The following GRB10 variants were observed in gnomAD, a reference collection of about 807,000 sequenced individuals.
The protein encoded by GRB10 is growth factor receptor-bound protein 10.
A neutral mutation model predicts 80.9 loss-of-function variants in GRB10; 20 were observed. The ratio of observed to expected loss-of-function variants is 0.25; its 90% CI spans 0.17 to 0.36. The LOEUF is 0.36. GRB10 is among the 10% of genes least tolerant of loss of function. The pLI is 1.00. For missense variants in GRB10, 548 were observed against 747.7 expected, an observed-to-expected ratio of 0.73 and a Z score of 3.12; for synonymous variants, 291 against 291.5, an observed-to-expected ratio of 1.00 and a Z score of 0.02.
intron 4 of GRB10, chr7:50,729,248 T>C (rs776886348): frequency 3.3e-5 from 5 of 152,238 alleles, no homozygotes; most frequent in Non-Finnish European, 7.3e-5. Flanking sequence ...CAGAAAACTA[T>C]GAAAATAAAA....
intron 2 of GRB10, among the ~76,000 whole-genome samples, chr7:50,777,267 C>T (rs2077759019): frequency 6.6e-6 from 1 of 152,000 alleles, no homozygotes; most frequent in Admixed American, 6.5e-5. Flanking sequence ...GAGAGCAAAC[C>T]CATTCCCCCT....
At chr7:50,786,974 G>GT (rs766920755), upstream of GRB10, among the ~76,000 whole-genome samples, 1 of 152,274 alleles carries the variant, frequency 6.6e-6, no homozygotes, top group African/African-American at 2.4e-5. Flanking sequence ...ACACAACTCT[G>GT]TAAGTTTGGA....
chr7:50,639,446 T>A (rs7796583), intron 7 of GRB10, among the ~76,000 whole-genome samples: 1 of 151,714 alleles, frequency 6.6e-6, no homozygotes, highest in East Asian at 1.9e-4. Flanking sequence ...GAGGCCGAAG[T>A]GGGCGGATCA....
chr7:50,705,719 T>A (rs1392806839), intron 4 of GRB10, among the ~76,000 whole-genome samples: 1 of 152,240 alleles, frequency 6.6e-6, no homozygotes, highest in Non-Finnish European at 1.5e-5. Context: ...CCATCAGCAC[T>A]CTAGTGTACC....
At chr7:50,742,265 G>A (rs562331882) in intron 3 of GRB10, among the ~76,000 whole-genome samples, 10 of 138,864 alleles carry the variant, frequency 7.2e-5, no homozygotes, top group African/African-American at 2.8e-4. Flanking sequence ...ACGCGCACGC[G>A]CGCGCGCACA....
At chr7:50,776,506 C>T (rs1271342736) in intron 2 of GRB10, among the ~76,000 whole-genome samples, 1 of 152,142 alleles carries the variant, frequency 6.6e-6, no homozygotes. Flanking sequence ...CAGGCATGAG[C>T]CATAGTGCCC....
In GRB10 at chr7:50,592,677, A is replaced by C; in HGVS notation, c.*275T>G. On this transcript the variant is annotated 3_prime_UTR_variant, in exon 19 of 19. Transcript: ENST00000401949. ...TTGTTCCTAAGCGGCCCAAGCCAAGATGATCATTCCAGTTTATTTTCAACT... is the reference window on the plus strand; with the variant it reads ...TTGTTCCTAAGCGGCCCAAGCCAAGCTGATCATTCCAGTTTATTTTCAACT... 1 of 506,942 alleles carries C rather than the reference A, an allele frequency of 2.0e-6. No individual in the cohort carries two copies. Among genetic ancestry groups the C allele is most frequent in the Non-Finnish European group, 3.6e-6 (1 of 278,260 alleles). The allele number at this position is 506,942 out of a possible 1,614,324, so 31.4% of individuals were successfully genotyped here. A position where few individuals can be genotyped will look rare whatever the true frequency, so the allele number is the denominator to read the frequency against.
chr7:50,693,728 T>C (rs1026613186), intron 5 of GRB10, among the ~76,000 whole-genome samples: 1 of 152,020 alleles, frequency 6.6e-6, no homozygotes, highest in African/African-American at 2.4e-5. Context: ...GCATGATGAA[T>C]GTGTGTGCTT....
At chr7:50,654,195 C>T (rs1026380133) in intron 7 of GRB10, among the ~76,000 whole-genome samples, 3 of 152,240 alleles carry the variant, frequency 2.0e-5, no homozygotes, top group African/African-American at 7.2e-5. Flanking sequence ...TCCCCAGCTT[C>T]TCCTGAAGTG....
chr7:50,631,341 C>T (rs1018650991), intron 7 of GRB10, among the ~76,000 whole-genome samples: 10 of 152,160 alleles, frequency 6.6e-5, no homozygotes, highest in Admixed American at 2.6e-4. Context: ...CCTGGACAGA[C>T]GGCCCAGCCT....
At chr7:50,762,127 A>G (rs1304434087) in intron 2 of GRB10, 1 of 151,980 alleles carries the variant, frequency 6.6e-6, no homozygotes, top group Non-Finnish European at 1.5e-5. Flanking sequence ...TTACAGATGA[A>G]ATGTAAGACC....
chr7:50,704,531 G>A (rs1371295975), intron 4 of GRB10, among the ~76,000 whole-genome samples: 4 of 152,254 alleles, frequency 2.6e-5, no homozygotes, highest in African/African-American at 9.6e-5. Context: ...ACTTGGGGTA[G>A]AGAGATGTCT....
At chr7:50,646,612 G>C (rs1414366902) in intron 7 of GRB10, among the ~76,000 whole-genome samples, 1 of 152,146 alleles carries the variant, frequency 6.6e-6, no homozygotes, top group African/African-American at 2.4e-5. Context: ...ACTTACTCCT[G>C]ACTCTGAATC....
At chr7:50,772,831 G>A (rs982124824) in intron 2 of GRB10, among the ~76,000 whole-genome samples, 9 of 152,150 alleles carry the variant, frequency 5.9e-5, no homozygotes, top group African/African-American at 2.2e-4. Flanking sequence ...CTGCAGAAAA[G>A]GACAAAACAG....
intron 7 of GRB10, among the ~76,000 whole-genome samples, chr7:50,649,262 G>A (rs2057682724): frequency 1.3e-5 from 2 of 152,208 alleles, no homozygotes; most frequent in South Asian, 4.1e-4. Flanking sequence ...GAGACCACAA[G>A]CAAGTGCTGT....
chr7:50,735,327 T>C (rs1421998240), intron 3 of GRB10, among the ~76,000 whole-genome samples: 1 of 152,222 alleles, frequency 6.6e-6, no homozygotes, highest in African/African-American at 2.4e-5. Flanking sequence ...TAAGACATGC[T>C]GTGTTGGAGG....
intron 7 of GRB10, among the ~76,000 whole-genome samples, chr7:50,639,466 G>A (rs1016807677): frequency 1.3e-5 from 2 of 151,946 alleles, no homozygotes; most frequent in East Asian, 3.9e-4. Flanking sequence ...ACAAGGTCAG[G>A]AGATCGAGAT....
chr7:50,642,038 T>A (rs1439531285), intron 7 of GRB10, among the ~76,000 whole-genome samples: 1 of 152,176 alleles, frequency 6.6e-6, no homozygotes, highest in African/African-American at 2.4e-5. Context: ...ACATAGAGGC[T>A]TCAAAATCTG....
chr7:50,681,957 G>A lies in GRB10; in HGVS notation c.140-7299C>T, dbSNP rs536605476. 3.3e-5 allele frequency among the ~76,000 whole-genome samples: 5 copies of A among 152,314 alleles called. No homozygotes were observed. The East Asian group carries it at 9.6e-4, about 29-fold the overall frequency. ...CAGTGCTGAGCAGAGGAGTCTCTGA[G>A]CCCCGGGTTGATGAATCCTGAGTGT... is the stretch of plus-strand genomic sequence containing the variant. On this transcript the variant is annotated intron_variant, in intron 5 of 18. Transcript: ENST00000401949.
Sources: allele counts gnomAD v4.1 joint callset (sites outside exome capture counted in the v4.1 genomes callset), GRCh38; gene constraint gnomAD v4.1.1; transcripts MANE v1.5; gene names NCBI Gene and HGNC (gene_info 2026-07-23, HGNC 2026-07-21).